The following TNKS variants were observed in gnomAD, a reference collection of about 807,000 sequenced individuals.
The protein encoded by TNKS is tankyrase, also known as poly [ADP-ribose] polymerase tankyrase-1.
In TNKS, 72 loss-of-function variants were observed where a neutral mutation model predicts 135.8. That is an observed-to-expected ratio of 0.53 (90% CI 0.44 to 0.64). The LOEUF (loss-of-function observed/expected upper bound fraction) is 0.64. Ranked by LOEUF, TNKS falls within the 30% of genes least tolerant of loss-of-function variation. TNKS has a pLI of 0.00. For synonymous variants in TNKS, 849 were observed against 649.3 expected (o/e 1.31, Z -4.68); for missense variants, 1,769 against 1,674.0 (o/e 1.06, Z -0.99).
chr8:9,615,493 T>G (rs1799606839), intron 2 of TNKS, 89 bp from the exon 3 acceptor site: 4 of 1,060,492 alleles, frequency 3.8e-6, no homozygotes, highest in Non-Finnish European at 5.3e-6. Flanking sequence ...CAATGTATGT[T>G]TATGCCTACA....
intron 17 of TNKS, among the ~76,000 whole-genome samples, chr8:9,747,119 G>T (rs1022193039): frequency 2.0e-5 from 3 of 151,964 alleles, no homozygotes; most frequent in South Asian, 2.1e-4. Flanking sequence ...CTGACCTCAG[G>T]TGATCCGCCC....
At chr8:9,655,453 G>T (rs1391513934) in intron 3 of TNKS, among the ~76,000 whole-genome samples, 3 of 152,184 alleles carry the variant, frequency 2.0e-5, no homozygotes, top group African/African-American at 7.2e-5. Flanking sequence ...CCTCAAGTGG[G>T]TCCCTGACCC....
At chr8:9,596,101 C>T (rs993971777) in intron 2 of TNKS, among the ~76,000 whole-genome samples, 6 of 152,042 alleles carry the variant, frequency 3.9e-5, no homozygotes, top group African/African-American at 1.5e-4. Flanking sequence ...ACAGAGGGGA[C>T]CCTGTCTCAA....
intron 3 of TNKS, among the ~76,000 whole-genome samples, chr8:9,626,201 T>A (rs910173648): frequency 6.6e-5 from 10 of 152,236 alleles, no homozygotes; most frequent in Admixed American, 2.6e-4. Flanking sequence ...TTATATGATG[T>A]TAACATAGCC....
chr8:9,613,818 A>C (rs1288533654), intron 2 of TNKS, among the ~76,000 whole-genome samples: 2 of 152,260 alleles, frequency 1.3e-5, no homozygotes, highest in African/African-American at 4.8e-5. Context: ...TTGAGGTTTT[A>C]GGTGACTTTG....
intron 20 of TNKS, 27 bp from the exon 21 acceptor site, chr8:9,761,489 C>A: frequency 6.2e-7 from 1 of 1,611,322 alleles, no homozygotes; most frequent in Non-Finnish European, 8.5e-7. Context: ...TTAAAGATAT[C>A]CTAGCTAATT....
At chr8:9,671,182 G>T (rs1802254578) in intron 3 of TNKS, 1 of 151,912 alleles carries the variant, frequency 6.6e-6, no homozygotes, top group African/African-American at 2.4e-5. Context: ...AAAAAGACAT[G>T]GTTTGGCTAT....
chr8:9,770,207 G>T lies in TNKS; in HGVS notation c.3842G>T (p.Arg1281Ile), dbSNP rs763477073. ...APPGHHSVIGRPSVNGLAYAE... is the reference protein window; with the variant it reads ...APPGHHSVIGIPSVNGLAYAE... Reference sequence around the variant, plus strand: ...CCAGGGCACCACTCAGTCATTGGTAGACCGAGCGTCAATGGGCTGGCATAT... The same window carrying T: ...CCAGGGCACCACTCAGTCATTGGTATACCGAGCGTCAATGGGCTGGCATAT... Residue 1281 changes from arginine (R) to isoleucine (I), a missense_variant, in exon 26 of 27, where the codon AGA becomes ATA. Transcript: ENST00000310430. 6.2e-7 allele frequency: 1 copy of T among 1,613,426 alleles called. No individual in the cohort carries two copies. Among genetic ancestry groups the T allele is most frequent in the Non-Finnish European group, 8.5e-7 (1 of 1,179,938 alleles).
chr8:9,559,399 T>A (rs1256322619), intron 1 of TNKS, among the ~76,000 whole-genome samples: 1 of 152,182 alleles, frequency 6.6e-6, no homozygotes, highest in Non-Finnish European at 1.5e-5. Context: ...TATTTATTTT[T>A]AAAAATGAGT....
Position 9,556,178 on chromosome 8 carries a change from C to A in TNKS, c.239C>A (p.Ser80Tyr), listed in dbSNP as rs146118607. The A allele has an allele frequency of 1.2e-6, 2 of 1,612,648 alleles. No homozygotes were observed. Among genetic ancestry groups the A allele is most frequent in the African/African-American group, 1.3e-5 (1 of 74,938 alleles). Residue 80 changes from serine (S) to tyrosine (Y), a missense_variant, in exon 1 of 27, where the codon TCC becomes TAC. Physicochemically the swap from Ser to Tyr is moderately radical, Grantham distance 144. This residue lies in a region of TNKS where 450 missense variants were observed against 304.9 expected (regional missense o/e 1.48). Transcript: ENST00000310430. ...GSRDPPDRPR[S>Y]PDPVDGTSCC... ...CGGGATCCGCCCGACAGGCCCCGAT[C>A]CCCGGACCCGGTTGACGGTACCAGC...
intron 12 of TNKS, among the ~76,000 whole-genome samples, chr8:9,724,405 T>C (rs1350551539): frequency 2.0e-5 from 3 of 152,098 alleles, no homozygotes; most frequent in Admixed American, 6.6e-5. Flanking sequence ...CAGGGCAACA[T>C]AGTGAGACCC....
At chr8:9,664,587 G>A (rs1801902164) in intron 3 of TNKS, among the ~76,000 whole-genome samples, 1 of 152,134 alleles carries the variant, frequency 6.6e-6, no homozygotes, top group South Asian at 2.1e-4. Context: ...AGATTTAGGG[G>A]CTATGTGCCA....
chr8:9,619,443 A>T (rs1429770295), intron 3 of TNKS, among the ~76,000 whole-genome samples: 1 of 152,176 alleles, frequency 6.6e-6, no homozygotes, highest in Non-Finnish European at 1.5e-5. Flanking sequence ...AACCAAAGGA[A>T]TGTTTGTCGT....
intron 5 of TNKS, among the ~76,000 whole-genome samples, chr8:9,691,015 G>A (rs1243963761): frequency 1.3e-5 from 2 of 152,128 alleles, no homozygotes; most frequent in Admixed American, 6.5e-5. Context: ...GAGAGAGCTC[G>A]CTTGTTTAGA....
chr8:9,635,255 GC>G (rs1028885028), intron 3 of TNKS, among the ~76,000 whole-genome samples: 3 of 152,146 alleles, frequency 2.0e-5, no homozygotes, highest in African/African-American at 7.2e-5. Flanking sequence ...TCCTGAAGGG[GC>G]TCCCAATGAA....
intron 18 of TNKS, among the ~76,000 whole-genome samples, chr8:9,750,798 G>T (rs948892034): frequency 6.6e-6 from 1 of 152,220 alleles, no homozygotes; most frequent in African/African-American, 2.4e-5. Flanking sequence ...CAGCTGGGTG[G>T]TTCTGGTTTT....
At chr8:9,698,729 G>T (rs1273864017) in intron 5 of TNKS, among the ~76,000 whole-genome samples, 1 of 152,168 alleles carries the variant, frequency 6.6e-6, no homozygotes, top group Non-Finnish European at 1.5e-5. Flanking sequence ...CACTATTTTA[G>T]CTATGCCTTA....
chr8:9,769,408 T>A (rs1024629904), intron 25 of TNKS, among the ~76,000 whole-genome samples: 2 of 152,218 alleles, frequency 1.3e-5, no homozygotes, highest in South Asian at 2.1e-4. Context: ...GTACTTTCGT[T>A]CATGATCCAC....
intron 1 of TNKS, among the ~76,000 whole-genome samples, chr8:9,567,012 G>C (rs1159633894): frequency 6.6e-6 from 1 of 152,204 alleles, no homozygotes; most frequent in Non-Finnish European, 1.5e-5. Flanking sequence ...TTTGGTCTGT[G>C]CTACTCAAAT....
Sources: gnomAD v4.1 joint callset for allele counts (sites outside exome capture counted in the v4.1 genomes callset) on GRCh38, gnomAD v4.1.1 for gene constraint, gnomAD v4.1.1 regional missense constraint, MANE v1.5 for transcripts, NCBI Gene and HGNC (gene_info 2026-07-23, HGNC 2026-07-21) for gene names.